The following ATP13A3 variants were observed in gnomAD, a reference collection of about 807,000 sequenced individuals.
ATP13A3 encodes polyamine-transporting ATPase 13A3.
Under a neutral mutation model 158.1 loss-of-function variants are expected in ATP13A3, and 59 were observed. That is an observed-to-expected ratio of 0.37 (90% CI 0.30 to 0.46). The LOEUF is 0.46. Ranked by LOEUF, ATP13A3 falls within the 20% of genes least tolerant of loss-of-function variation. The pLI is 1.00. For missense variants in ATP13A3, 1,166 were observed against 1,525.2 expected (o/e 0.76, Z 3.92); for synonymous variants, 491 against 504.3 (o/e 0.97, Z 0.35).
intron 2 of ATP13A3, among the ~76,000 whole-genome samples, chr3:194,472,524 A>C (rs2109025126): frequency 6.6e-6 from 1 of 152,328 alleles, no homozygotes; most frequent in East Asian, 1.9e-4. Flanking sequence ...GCTGAGTTAC[A>C]ACAAGACTTA....
At chr3:194,433,304 C>T (rs368075654) in intron 21 of ATP13A3, among the ~76,000 whole-genome samples, 5 of 139,440 alleles carry the variant, frequency 3.6e-5, no homozygotes, top group Non-Finnish European at 6.0e-5. Context: ...ACTGCAGTGG[C>T]GCAATCTCGG....
intron 17 of ATP13A3, among the ~76,000 whole-genome samples, chr3:194,438,539 G>A (rs1353439726): frequency 2.6e-5 from 4 of 152,224 alleles, no homozygotes; most frequent in Non-Finnish European, 5.9e-5. Flanking sequence ...ACACAGAGGT[G>A]TAGTTTCTGA....
At chr3:194,436,367 G>A (rs1717637730) in intron 20 of ATP13A3, among the ~76,000 whole-genome samples, 1 of 152,220 alleles carries the variant, frequency 6.6e-6, no homozygotes, top group South Asian at 2.1e-4. Flanking sequence ...TAGGAAAGAA[G>A]TGGAGTGGGA....
chr3:194,445,626 C>T (rs1302240301), intron 14 of ATP13A3, among the ~76,000 whole-genome samples: 5 of 152,224 alleles, frequency 3.3e-5, no homozygotes, highest in South Asian at 4.1e-4. Flanking sequence ...CCAAAAAAGA[C>T]AAGCATAAGT....
At chr3:194,450,769 C>T (rs1577068455) in intron 10 of ATP13A3, 1 of 152,844 alleles carries the variant, frequency 6.5e-6, no homozygotes, top group Middle Eastern at 3.4e-3. Context: ...AGTCTCATTG[C>T]CTCAATATTC....
chr3:194,452,902 C>T (rs1451085890), intron 10 of ATP13A3: 3 of 152,066 alleles, frequency 2.0e-5, no homozygotes, highest in Non-Finnish European at 2.9e-5. Flanking sequence ...ATCTCTACAC[C>T]GAATCCCCAG....
intron 2 of ATP13A3, among the ~76,000 whole-genome samples, chr3:194,480,603 A>G (rs972007323): frequency 7.9e-5 from 12 of 152,182 alleles, no homozygotes; most frequent in Admixed American, 7.2e-4. Flanking sequence ...TCTCAACTTT[A>G]TTACCTAGCC....
rs973803509 is a variant in ATP13A3 at position 194,426,973 on chromosome 3, C to T, written c.3125+102G>A. On this transcript the variant is annotated intron_variant, in intron 29 of 33. Transcript: ENST00000645319. ...GTACTAGGACTACAGGTGTGAGCCACCGCACCTGGCACAAACTTTTATATT... is the reference window on the plus strand; with the variant it reads ...GTACTAGGACTACAGGTGTGAGCCATCGCACCTGGCACAAACTTTTATATT... 3.9e-6 allele frequency: 5 copies of T among 1,292,256 alleles called. No homozygotes were observed. The African/African-American group carries it at 4.6e-5, about 12-fold the overall frequency. 80.0% of individuals were successfully genotyped at this position (1,292,256 alleles called of 1,614,324 possible). A position where few individuals can be genotyped will look rare whatever the true frequency, so the allele number is the denominator to read the frequency against.
At chr3:194,437,522 TATACTTA>T in intron 18 of ATP13A3, 27 bp downstream of exon 18, 1 of 1,612,326 alleles carries the variant, frequency 6.2e-7, no homozygotes, top group African/African-American at 1.3e-5. Flanking sequence ...TCAAAACAAA[TATACTTA>T]GTAAGAAGTA....
In ATP13A3 at chr3:194,407,649, A is replaced by T. The variant is rs374456451; in HGVS notation, c.3574-1533T>A. 1.6e-4 allele frequency among the ~76,000 whole-genome samples: 25 copies of T among 152,304 alleles called. No individual in the cohort carries two copies. In the East Asian group the frequency reaches 3.9e-3, roughly 24 times the overall value. On this transcript the variant is annotated intron_variant, in intron 33 of 33. Transcript: ENST00000645319. Reference sequence around the variant, plus strand: ...ACAATCAGCTGCACTGCTACCAAGAATTTAAAGGCAAAAAAGGTGGACAAA... The same window carrying T: ...ACAATCAGCTGCACTGCTACCAAGATTTTAAAGGCAAAAAAGGTGGACAAA...
intron 16 of ATP13A3, among the ~76,000 whole-genome samples, chr3:194,440,661 A>G (rs1717986616): frequency 6.6e-6 from 1 of 152,186 alleles, no homozygotes; most frequent in Admixed American, 6.5e-5. Flanking sequence ...TACAATGAAA[A>G]CCAAGAGCAT....
intron 10 of ATP13A3, 55 bp downstream of exon 10, chr3:194,453,651 A>G: frequency 2.1e-6 from 3 of 1,415,262 alleles, no homozygotes; most frequent in Non-Finnish European, 3.0e-6. Flanking sequence ...TACTTCACAC[A>G]TTATGCCTAA....
chr3:194,494,203 C>T lies in ATP13A3; in HGVS notation n.593G>A. 1 of 398,656 alleles carries T rather than the reference C, an allele frequency of 2.5e-6. No homozygotes were observed. Among genetic ancestry groups the T allele is most frequent in the East Asian group, 3.6e-5 (1 of 28,080 alleles). The allele number at this position is 398,656 out of a possible 1,614,324, so 24.7% of individuals were successfully genotyped here. A position where few individuals can be genotyped will look rare whatever the true frequency, so the allele number is the denominator to read the frequency against. ...TGTTTAAGCACCCAGACTTCCACCTCCTCATGAGCCAGGACCTTCCTCAGC... is the reference window on the plus strand; with the variant it reads ...TGTTTAAGCACCCAGACTTCCACCTTCTCATGAGCCAGGACCTTCCTCAGC... On this transcript the variant is annotated non_coding_transcript_exon_variant, in exon 2 of 33. Coordinates refer to the ATP13A3 transcript ENST00000687055. The surrounding 1 kb of genome is among the most constrained non-coding windows in gnomAD (Gnocchi z 4.2).
chr3:194,421,307 A>G (rs547089858), intron 30 of ATP13A3, among the ~76,000 whole-genome samples: 1 of 147,484 alleles, frequency 6.8e-6, no homozygotes, highest in South Asian at 2.2e-4. Context: ...TAATCCTAGC[A>G]CTTTGGGAGG....
intron 2 of ATP13A3, among the ~76,000 whole-genome samples, chr3:194,479,698 T>TA (rs1313627429): frequency 2.0e-5 from 3 of 151,038 alleles, no homozygotes; most frequent in Admixed American, 6.6e-5. Flanking sequence ...AAGTCTTCTT[T>TA]AAAAAAAAAG....
In ATP13A3 at chr3:194,405,830, G is replaced by C; in HGVS notation, c.*89C>G. 1 of 1,372,114 alleles carries C rather than the reference G, an allele frequency of 7.3e-7. No individual in the cohort carries two copies. Among genetic ancestry groups the C allele is most frequent in the Non-Finnish European group, 1.0e-6 (1 of 968,482 alleles). The allele number at this position is 1,372,114 out of a possible 1,614,324, so 85.0% of individuals were successfully genotyped here. A position where few individuals can be genotyped will look rare whatever the true frequency, so the allele number is the denominator to read the frequency against. ...ATCAGAAGGGACATAAACTGAACTA[G>C]TGCCATTCTGACACACAGGATCAGA... On this transcript the variant is annotated 3_prime_UTR_variant, in exon 34 of 34. Transcript: ENST00000645319.
intron 21 of ATP13A3, among the ~76,000 whole-genome samples, chr3:194,433,433 C>G (rs968699220): frequency 2.0e-5 from 3 of 151,810 alleles, no homozygotes; most frequent in Admixed American, 2.0e-4. Context: ...TTAGTAGAGA[C>G]GGGGTTTCAC....
chr3:194,458,635 G>A (rs1314609991), intron 6 of ATP13A3, among the ~76,000 whole-genome samples: 5 of 151,986 alleles, frequency 3.3e-5, no homozygotes, highest in African/African-American at 9.7e-5. Context: ...TGATCCGCCC[G>A]CCTTGGCCTC....
chr3:194,423,674 A>T (rs6803689), intron 30 of ATP13A3, among the ~76,000 whole-genome samples: 3,467 of 152,318 alleles, frequency 0.023, 124 homozygotes, highest in African/African-American at 0.079. Context: ...TAATCTTAGT[A>T]CATTTTTAAA....
Sources: gnomAD v4.1 joint callset for allele counts (sites outside exome capture counted in the v4.1 genomes callset) on GRCh38, gnomAD v4.1.1 for gene constraint, Gnocchi (gnomAD v3.1) non-coding constraint, MANE v1.5 for transcripts, NCBI Gene and HGNC (gene_info 2026-07-23, HGNC 2026-07-21) for gene names.